The following ADK variants were observed in gnomAD, a reference collection of about 807,000 sequenced individuals.
ADK encodes the protein N6,N6-dimethyladenosine kinase.
ADK carries 24 observed loss-of-function variants against 44.7 expected under a neutral mutation model. That is an observed-to-expected ratio of 0.54 (90% CI 0.39 to 0.76). The LOEUF is 0.76. ADK is among the 30% of genes least tolerant of loss of function. The pLI is 0.00. For missense variants in ADK, 321 were observed against 425.1 expected, an observed-to-expected ratio of 0.76 and a Z score of 2.15; for synonymous variants, 128 against 142.6, an observed-to-expected ratio of 0.90 and a Z score of 0.73.
chr10:74,355,771 A>G (rs1451340684), intron 4 of ADK, among the ~76,000 whole-genome samples: 1 of 152,162 alleles, frequency 6.6e-6, no homozygotes, highest in Non-Finnish European at 1.5e-5. Flanking sequence ...TTCATTATAT[A>G]TAAAGACTTA....
intron 7 of ADK, among the ~76,000 whole-genome samples, chr10:74,532,774 G>T (rs542795486): frequency 6.6e-6 from 1 of 151,082 alleles, no homozygotes; most frequent in African/African-American, 2.4e-5. Context: ...GGTGGCACAC[G>T]CCTGTAATTC....
chr10:74,355,777 A>T (rs1842116460), intron 4 of ADK, among the ~76,000 whole-genome samples: 1 of 152,106 alleles, frequency 6.6e-6, no homozygotes, highest in East Asian at 1.9e-4. Context: ...ATATATAAAG[A>T]CTTAGGTTTC....
At chr10:74,590,110 T>C (rs936710640) in intron 8 of ADK, among the ~76,000 whole-genome samples, 5 of 152,204 alleles carry the variant, frequency 3.3e-5, no homozygotes, top group African/African-American at 9.6e-5. Context: ...TGAACCCAGG[T>C]TAACTGACAG....
At chr10:74,429,824 T>C (rs892053754) in intron 6 of ADK, among the ~76,000 whole-genome samples, 6 of 152,230 alleles carry the variant, frequency 3.9e-5, no homozygotes, top group African/African-American at 1.4e-4. Flanking sequence ...ATTTATCCAG[T>C]GCCTATTATG....
chr10:74,648,497 G>A (rs1854133748), intron 9 of ADK, among the ~76,000 whole-genome samples: 1 of 151,882 alleles, frequency 6.6e-6, no homozygotes, highest in East Asian at 1.9e-4. Flanking sequence ...GGCCAAAATG[G>A]TGAAACCCCA....
At chr10:74,372,895 T>C (rs1842708019) in intron 4 of ADK, among the ~76,000 whole-genome samples, 1 of 152,178 alleles carries the variant, frequency 6.6e-6, no homozygotes, top group South Asian at 2.1e-4. Flanking sequence ...CAAAACAATC[T>C]TGAAAAAGAC....
chr10:74,410,336 T>C (rs1844125571), intron 6 of ADK, among the ~76,000 whole-genome samples: 1 of 152,138 alleles, frequency 6.6e-6, no homozygotes, highest in African/African-American at 2.4e-5. Flanking sequence ...TGTTTTGTAA[T>C]GGTAACCTAA....
intron 5 of ADK, among the ~76,000 whole-genome samples, chr10:74,395,285 C>T (rs1371866057): frequency 6.6e-6 from 1 of 152,058 alleles, no homozygotes; most frequent in Non-Finnish European, 1.5e-5. Context: ...GACCTTGCTC[C>T]ATTTCTTCTA....
At chr10:74,687,008 A>G (rs1855820165) in intron 10 of ADK, among the ~76,000 whole-genome samples, 1 of 152,158 alleles carries the variant, frequency 6.6e-6, no homozygotes, top group South Asian at 2.1e-4. Flanking sequence ...CCGTTTCCTC[A>G]TTTATAAAAA....
intron 10 of ADK, among the ~76,000 whole-genome samples, chr10:74,703,819 T>C (rs7071553): frequency 0.81 from 123,665 of 152,162 alleles, 50,596 homozygotes; most frequent in African/African-American, 0.9. Context: ...AAAAAGACAT[T>C]GTAAATGTAA....
At chr10:74,536,485 A>AG (rs1270972613) in intron 7 of ADK, among the ~76,000 whole-genome samples, 1 of 151,524 alleles carries the variant, frequency 6.6e-6, no homozygotes, top group Non-Finnish European at 1.5e-5. Context: ...TTCTGGTAAA[A>AG]AAAAAATACA....
chr10:74,298,145 C>A (rs2132505412), intron 3 of ADK, among the ~76,000 whole-genome samples: 1 of 152,246 alleles, frequency 6.6e-6, no homozygotes, highest in South Asian at 2.1e-4. Context: ...TTGCCATTAC[C>A]AGGCTAAGCA....
At chr10:74,326,533 C>T (rs1841022691) in intron 4 of ADK, among the ~76,000 whole-genome samples, 1 of 151,910 alleles carries the variant, frequency 6.6e-6, no homozygotes, top group African/African-American at 2.4e-5. Context: ...ATTGCTTGAG[C>T]TTAGGAGGTG....
At chr10:74,372,151 A>C in intron 4 of ADK, 1 of 752,128 alleles carries the variant, frequency 1.3e-6, no homozygotes. Context: ...AGAGATCCTA[A>C]AGAGACTGAA....
intron 3 of ADK, among the ~76,000 whole-genome samples, chr10:74,281,823 TA>T (rs1404978426): frequency 1.3e-5 from 2 of 152,264 alleles, no homozygotes; most frequent in Non-Finnish European, 2.9e-5. Context: ...ATTTTCTTTT[TA>T]AAAAATTATT....
intron 1 of ADK, among the ~76,000 whole-genome samples, chr10:74,183,514 A>ATT (rs570073544): frequency 6.2e-5 from 9 of 146,266 alleles, no homozygotes; most frequent in African/African-American, 1.7e-4. Flanking sequence ...GAAATATACT[A>ATT]TTTTTTTTTT....
At chr10:74,228,810 G>A (rs1004499258) in intron 3 of ADK, among the ~76,000 whole-genome samples, 4 of 152,128 alleles carry the variant, frequency 2.6e-5, no homozygotes, top group Admixed American at 2.6e-4. Context: ...TCTGGAGTTA[G>A]GGGTGAATTC....
intron 7 of ADK, 68 bp downstream of exon 7, chr10:74,525,494 A>G (rs1849001993): frequency 2.2e-6 from 3 of 1,339,238 alleles, no homozygotes; most frequent in African/African-American, 1.5e-5. Flanking sequence ...ATGTGTGTAT[A>G]TATGTTTAGA....
intron 6 of ADK, among the ~76,000 whole-genome samples, chr10:74,449,505 G>C (rs1027235330): frequency 6.6e-6 from 1 of 152,042 alleles, no homozygotes; most frequent in Admixed American, 6.5e-5. Flanking sequence ...AAAGTTCAGG[G>C]CATTTTGGTC....
Sources: gnomAD v4.1 joint callset for allele counts (sites outside exome capture counted in the v4.1 genomes callset) on GRCh38, gnomAD v4.1.1 for gene constraint, MANE v1.5 for transcripts, NCBI Gene and HGNC (gene_info 2026-07-23, HGNC 2026-07-21) for gene names.